SBF2: variants seen among roughly 807,000 people sequenced by gnomAD.
SBF2 encodes myotubularin-related protein 13.
Under a neutral mutation model 225.2 loss-of-function variants are expected in SBF2, and 112 were observed. The observed-to-expected ratio is 0.50, with a 90% CI of 0.43 to 0.58. The LOEUF (loss-of-function observed/expected upper bound fraction) is 0.58. Ranked by LOEUF, SBF2 falls within the 20% of genes least tolerant of loss-of-function variation. The pLI is 0.00. For synonymous variants in SBF2, 763 were observed against 773.3 expected, an observed-to-expected ratio of 0.99 and a Z score of 0.22; for missense variants, 1,996 against 2,206.2, an observed-to-expected ratio of 0.90 and a Z score of 1.91.
intron 26 of SBF2, among the ~76,000 whole-genome samples, chr11:9,835,197 C>T (rs904507701): frequency 6.6e-6 from 1 of 152,112 alleles, no homozygotes; most frequent in African/African-American, 2.4e-5. Context: ...TTAATTCAAG[C>T]ATAATTCACA....
At chr11:9,811,494 T>C (rs1854181195) in intron 30 of SBF2, among the ~76,000 whole-genome samples, 1 of 152,098 alleles carries the variant, frequency 6.6e-6, no homozygotes, top group Non-Finnish European at 1.5e-5. Context: ...GAAACATGGA[T>C]AGATAAGTTG....
At chr11:10,091,593 CA>C (rs1285417776) in intron 2 of SBF2, among the ~76,000 whole-genome samples, 1 of 152,120 alleles carries the variant, frequency 6.6e-6, no homozygotes, top group East Asian at 1.9e-4. Flanking sequence ...ATAAAGCAAA[CA>C]ATTACTAGTT....
At chr11:10,181,332 T>A (rs533024239) in intron 2 of SBF2, among the ~76,000 whole-genome samples, 1 of 152,166 alleles carries the variant, frequency 6.6e-6, no homozygotes, top group Admixed American at 6.5e-5. Flanking sequence ...AATTTCTAAT[T>A]TTTTTAATGA....
At chr11:9,891,697 G>T (rs1004407940) in intron 17 of SBF2, among the ~76,000 whole-genome samples, 3 of 152,220 alleles carry the variant, frequency 2.0e-5, no homozygotes, top group Non-Finnish European at 4.4e-5. Flanking sequence ...TTCAAAGAAG[G>T]CTTCCGTAAG....
At chr11:9,801,077 G>C (rs1270670383) in intron 32 of SBF2, among the ~76,000 whole-genome samples, 2 of 152,202 alleles carry the variant, frequency 1.3e-5, no homozygotes, top group African/African-American at 2.4e-5. Context: ...ATATTATGTA[G>C]AATTGGGAAT....
chr11:9,941,312 A>G (rs998085662), intron 16 of SBF2, among the ~76,000 whole-genome samples: 1 of 151,934 alleles, frequency 6.6e-6, no homozygotes, highest in Non-Finnish European at 1.5e-5. Context: ...ATGGAGCAAG[A>G]CCCTGTCTCT....
chr11:10,121,228 T>C (rs1480583049), intron 2 of SBF2, among the ~76,000 whole-genome samples: 1 of 152,176 alleles, frequency 6.6e-6, no homozygotes, highest in Non-Finnish European at 1.5e-5. Flanking sequence ...CAGAAGATAA[T>C]GCATAGATAG....
intron 1 of SBF2, among the ~76,000 whole-genome samples, chr11:10,238,617 A>G (rs775604013): frequency 2.0e-5 from 3 of 150,656 alleles, no homozygotes; most frequent in Non-Finnish European, 3.0e-5. Context: ...AAAAAGACAA[A>G]TCCAAAATAA....
intron 1 of SBF2, among the ~76,000 whole-genome samples, chr11:10,239,689 A>G (rs182236330): frequency 6.7e-6 from 1 of 148,890 alleles, no homozygotes; most frequent in East Asian, 1.9e-4. Flanking sequence ...ACTAATGATC[A>G]TTAATGTTTT....
intron 16 of SBF2, among the ~76,000 whole-genome samples, chr11:9,950,570 A>C (rs1638514836): frequency 6.6e-6 from 1 of 152,214 alleles, no homozygotes; most frequent in South Asian, 2.1e-4. Flanking sequence ...GAACATTTGC[A>C]CTTTAAATAT....
chr11:10,063,328 ATAT>A (rs1464181937), intron 2 of SBF2, among the ~76,000 whole-genome samples: 63 of 81,912 alleles, frequency 7.7e-4, no homozygotes, highest in Admixed American at 3.7e-3. Flanking sequence ...AGTAAAAAAA[ATAT>A]ATATATATAT....
At chr11:9,914,362 T>C (rs1413463921) in intron 16 of SBF2, among the ~76,000 whole-genome samples, 2 of 152,178 alleles carry the variant, frequency 1.3e-5, no homozygotes, top group East Asian at 3.9e-4. Context: ...GGAAAGAATC[T>C]CTGAGAGCCA....
intron 2 of SBF2, among the ~76,000 whole-genome samples, chr11:10,175,196 A>G (rs896196059): frequency 6.6e-6 from 1 of 151,606 alleles, no homozygotes; most frequent in Non-Finnish European, 1.5e-5. Context: ...TAAATGCTCC[A>G]ATTAAAAGAC....
At chr11:9,805,771 C>T (rs1420142115) in intron 32 of SBF2, among the ~76,000 whole-genome samples, 22 of 152,120 alleles carry the variant, frequency 1.4e-4, no homozygotes, top group Admixed American at 9.2e-4. Context: ...TACAGGCGTG[C>T]GCCCCCACGT....
intron 2 of SBF2, among the ~76,000 whole-genome samples, chr11:10,107,261 C>T (rs772860521): frequency 6.6e-6 from 1 of 152,068 alleles, no homozygotes; most frequent in Non-Finnish European, 1.5e-5. Context: ...CTAAAACAAC[C>T]GAACATTCAT....
intron 2 of SBF2, among the ~76,000 whole-genome samples, chr11:10,138,464 G>C (rs1055632950): frequency 2.7e-5 from 4 of 150,502 alleles, no homozygotes; most frequent in African/African-American, 9.7e-5. Flanking sequence ...ATTGATTTCT[G>C]TTTTCATGTT....
At position 9,847,091 on chromosome 11, in the gene SBF2, T is replaced by C. The variant is rs762580844; in HGVS notation, c.2807-8A>G. 174 of 1,613,486 alleles carry C rather than the reference T, an allele frequency of 1.1e-4. No homozygotes were observed. The highest frequency in any genetic ancestry group is 1.4e-4 in the Non-Finnish European group (164 of 1,179,620). On this transcript the variant is annotated splice_region_variant and splice_polypyrimidine_tract_variant and intron_variant, in intron 22 of 39. Transcript: ENST00000256190. ...CAACTGTCTGCTCACCCACTGTAAA[T>C]AGACAGGACACAGCTTCAGCAACAA...
intron 1 of SBF2, among the ~76,000 whole-genome samples, chr11:10,195,994 A>T (rs1043391282): frequency 2.6e-5 from 4 of 152,210 alleles, no homozygotes; most frequent in African/African-American, 9.6e-5. Context: ...TGAAAAAGAC[A>T]TAGTCCCTAT....
chr11:9,898,871 A>C (rs578015656), intron 16 of SBF2, among the ~76,000 whole-genome samples: 1 of 152,316 alleles, frequency 6.6e-6, no homozygotes, highest in Non-Finnish European at 1.5e-5. Context: ...AAAGGAATAA[A>C]CATAAGGAGA....
Sources: gnomAD v4.1 joint callset for allele counts (sites outside exome capture counted in the v4.1 genomes callset) on GRCh38, gnomAD v4.1.1 for gene constraint, MANE v1.5 for transcripts, NCBI Gene and HGNC (gene_info 2026-07-23, HGNC 2026-07-21) for gene names.